The following COL28A1 variants were observed in gnomAD, a reference collection of about 807,000 sequenced individuals.
The protein encoded by COL28A1 is collagen alpha-1(XXVIII) chain.
In COL28A1, 161 loss-of-function variants were observed where a neutral mutation model predicts 150.2. The ratio of observed to expected loss-of-function variants is 1.07; its 90% CI spans 0.94 to 1.22. The LOEUF (loss-of-function observed/expected upper bound fraction) is 1.22, where lower values mean the gene tolerates loss of function less well. Ranked by LOEUF, COL28A1 falls within the 50% of genes most tolerant of loss-of-function variation. The pLI is 0.00. For synonymous variants in COL28A1, 552 were observed against 469.7 expected, an observed-to-expected ratio of 1.18 and a Z score of -2.26; for missense variants, 1,617 against 1,388.3, an observed-to-expected ratio of 1.16 and a Z score of -2.62.
chr7:7,501,380 C>T (rs2115094850), intron 11 of COL28A1, among the ~76,000 whole-genome samples: 1 of 152,308 alleles, frequency 6.6e-6, no homozygotes, highest in South Asian at 2.1e-4. Flanking sequence ...GCCCTTTAGG[C>T]CTTGAAGCTC....
chr7:7,522,768 A>G (rs1055723960), intron 4 of COL28A1, among the ~76,000 whole-genome samples: 2 of 148,226 alleles, frequency 1.3e-5, no homozygotes, highest in Non-Finnish European at 3.0e-5. Context: ...GCCTTGGGCC[A>G]CGCATAAAAT....
chr7:7,428,522 G>T (rs1312066809), intron 25 of COL28A1, among the ~76,000 whole-genome samples: 1 of 152,194 alleles, frequency 6.6e-6, no homozygotes, highest in African/African-American at 2.4e-5. Flanking sequence ...GAAAACACAG[G>T]AACAGAGTTA....
chr7:7,511,251 T>C (rs1781118303), intron 8 of COL28A1, 116 bp from the exon 9 acceptor site: 2 of 794,756 alleles, frequency 2.5e-6, no homozygotes, highest in African/African-American at 3.5e-5. Context: ...AAGCACTCTT[T>C]TGGTTTCTAC....
At chr7:7,422,670 T>C (rs1019188791) in intron 25 of COL28A1, among the ~76,000 whole-genome samples, 44 of 151,308 alleles carry the variant, frequency 2.9e-4, no homozygotes, top group Admixed American at 2.8e-3. Flanking sequence ...CCAGACACCA[T>C]GTGCCTCCTG....
chr7:7,457,062 CATGAGGG>C (rs770486380), intron 15 of COL28A1, among the ~76,000 whole-genome samples: 1 of 152,156 alleles, frequency 6.6e-6, no homozygotes, highest in Non-Finnish European at 1.5e-5. Flanking sequence ...GAACCATCTC[CATGAGGG>C]AGAGCGGTAG....
At chr7:7,387,425 C>G (rs921053739) in intron 27 of COL28A1, among the ~76,000 whole-genome samples, 1 of 151,944 alleles carries the variant, frequency 6.6e-6, no homozygotes, top group African/African-American at 2.4e-5. Context: ...TAAATGAGTT[C>G]TATAGATTAA....
chr7:7,369,198 A>G (rs375225850), intron 33 of COL28A1, among the ~76,000 whole-genome samples: 1 of 152,160 alleles, frequency 6.6e-6, no homozygotes. Flanking sequence ...AGTCACACAA[A>G]CAGGAGAGGC....
chr7:7,416,586 A>G (rs990606161), intron 27 of COL28A1, among the ~76,000 whole-genome samples: 1 of 152,180 alleles, frequency 6.6e-6, no homozygotes, highest in East Asian at 1.9e-4. Context: ...TAAGTATGAG[A>G]TTGGTGTTGT....
At chr7:7,445,999 C>G (rs1786233836) in intron 18 of COL28A1, among the ~76,000 whole-genome samples, 1 of 151,954 alleles carries the variant, frequency 6.6e-6, no homozygotes. Context: ...GCTGGGATTA[C>G]AGGCATGTGC....
chr7:7,339,334 A>G, the COL28A1 span, among the ~76,000 whole-genome samples: 5 of 152,218 alleles, frequency 3.3e-5, no homozygotes, highest in Admixed American at 1.3e-4. Flanking sequence ...CACCAGCCCT[A>G]ACACTCCTCT....
intron 14 of COL28A1, among the ~76,000 whole-genome samples, chr7:7,476,733 A>G (rs1237275064): frequency 6.6e-6 from 1 of 152,184 alleles, no homozygotes; most frequent in African/African-American, 2.4e-5. Context: ...ACTATTACAG[A>G]TTGGTTTCTT....
chr7:7,494,875 C>T (rs552090205), intron 11 of COL28A1, among the ~76,000 whole-genome samples: 2 of 152,100 alleles, frequency 1.3e-5, no homozygotes, highest in African/African-American at 4.8e-5. Context: ...GATGTTTGAT[C>T]CAAACAAAGA....
chr7:7,414,558 A>G (rs917254845), intron 27 of COL28A1, among the ~76,000 whole-genome samples: 2 of 152,204 alleles, frequency 1.3e-5, no homozygotes, highest in Non-Finnish European at 2.9e-5. Context: ...CCAGGACCAG[A>G]GCTACCACAG....
At chr7:7,390,600 C>G (rs978866499) in intron 27 of COL28A1, among the ~76,000 whole-genome samples, 1 of 152,054 alleles carries the variant, frequency 6.6e-6, no homozygotes, top group Non-Finnish European at 1.5e-5. Flanking sequence ...TGTTAGAATT[C>G]GGCTGTGAAT....
At chr7:7,461,504 T>A (rs1787619194) in intron 15 of COL28A1, among the ~76,000 whole-genome samples, 1 of 152,122 alleles carries the variant, frequency 6.6e-6, no homozygotes, top group South Asian at 2.1e-4. Context: ...CTCTCAGCCC[T>A]ACTCACCCAC....
intron 13 of COL28A1, among the ~76,000 whole-genome samples, chr7:7,484,880 A>G (rs1345512970): frequency 1.3e-5 from 2 of 152,186 alleles, no homozygotes; most frequent in African/African-American, 4.8e-5. Flanking sequence ...TAACTCAGAA[A>G]TCCAAATACT....
intron 33 of COL28A1, among the ~76,000 whole-genome samples, chr7:7,362,295 A>C (rs950249929): frequency 6.6e-6 from 1 of 152,120 alleles, no homozygotes; most frequent in African/African-American, 2.4e-5. Flanking sequence ...ATGCAATTGA[A>C]TCAGTCATTC....
intron 30 of COL28A1, among the ~76,000 whole-genome samples, chr7:7,376,040 C>T (rs1003532483): frequency 1.3e-5 from 2 of 152,152 alleles, no homozygotes; most frequent in Admixed American, 6.5e-5. Context: ...CACTTTGGCT[C>T]TTCTGTGACA....
chr7:7,386,574 A>C (rs1782197729), intron 27 of COL28A1, among the ~76,000 whole-genome samples: 1 of 152,190 alleles, frequency 6.6e-6, no homozygotes, highest in Non-Finnish European at 1.5e-5. Context: ...CAAGCTGGTG[A>C]GAATTTAGCT....
Sources: allele counts gnomAD v4.1 joint callset (sites outside exome capture counted in the v4.1 genomes callset), GRCh38; gene constraint gnomAD v4.1.1; transcripts MANE v1.5; gene names NCBI Gene and HGNC (gene_info 2026-07-23, HGNC 2026-07-21).